DPH6: variants seen among roughly 807,000 people sequenced by gnomAD.
DPH6 encodes the protein diphthamine biosynthesis 6.
Under a neutral mutation model 38.2 loss-of-function variants are expected in DPH6, and 33 were observed. The observed-to-expected ratio is 0.86, with a 90% confidence interval of 0.65 to 1.15. The LOEUF (loss-of-function observed/expected upper bound fraction) is 1.15. DPH6 is among the 50% of genes most tolerant of loss of function. The probability of loss-of-function intolerance (pLI) is 0.00; values close to 1 mark genes in which losing one functional copy is unlikely to be tolerated. For missense variants in DPH6, 325 were observed against 320.0 expected (o/e 1.02, Z -0.12); for synonymous variants, 108 against 103.0 (o/e 1.05, Z -0.30).
At chr15:35,412,601 C>CT (rs2053381187) in intron 5 of DPH6, among the ~76,000 whole-genome samples, 1 of 151,464 alleles carries the variant, frequency 6.6e-6, no homozygotes, top group African/African-American at 2.4e-5. Context: ...AGGTGAACGA[C>CT]TAAGTAAATT....
rs560700366 is a variant in DPH6, at chr15:35,233,182, A to C, written n.201-12600T>G. On this transcript the variant is annotated intron_variant and non_coding_transcript_variant, in intron 3 of 3. Coordinates refer to the DPH6 transcript ENST00000560386. ...AAATTAGAAAGGTGTGGTGGCGGGC[A>C]CCTGTAATCCCAGCTACTCGGGAAT... 2.6e-5 allele frequency among the ~76,000 whole-genome samples: 4 copies of C among 152,142 alleles called. No homozygotes were observed. In the South Asian group the frequency reaches 8.3e-4, roughly 32 times the overall value.
At chr15:35,221,675 G>A (rs1201036377) in intron 3 of DPH6, among the ~76,000 whole-genome samples, 1 of 152,138 alleles carries the variant, frequency 6.6e-6, no homozygotes, top group Non-Finnish European at 1.5e-5. Flanking sequence ...AATAGCACTT[G>A]GCTTCCTTCT....
intron 2 of DPH6, among the ~76,000 whole-genome samples, chr15:35,541,394 G>C (rs1317080153): frequency 6.6e-6 from 1 of 152,034 alleles, no homozygotes; most frequent in Non-Finnish European, 1.5e-5. Context: ...CAAGTGATGA[G>C]GAGCAATAAA....
chr15:35,386,072 C>T (rs2052950812), intron 6 of DPH6, among the ~76,000 whole-genome samples: 1 of 152,098 alleles, frequency 6.6e-6, no homozygotes, highest in African/African-American at 2.4e-5. Flanking sequence ...GTTCAATTCC[C>T]ACCTATGGGG....
chr15:35,543,789 C>T (rs2055301267), intron 1 of DPH6, among the ~76,000 whole-genome samples: 1 of 152,172 alleles, frequency 6.6e-6, no homozygotes. Context: ...GGTTCGGTAT[C>T]CCCATAAGTA....
chr15:35,314,000 T>G (rs2052166388), intron 3 of DPH6, among the ~76,000 whole-genome samples: 1 of 150,256 alleles, frequency 6.7e-6, no homozygotes, highest in South Asian at 2.1e-4. Flanking sequence ...ATCAATAGAG[T>G]GAAGAGACAT....
At chr15:35,368,905 T>A (rs756930087), downstream of DPH6, among the ~76,000 whole-genome samples, 14 of 151,678 alleles carry the variant, frequency 9.2e-5, no homozygotes. Flanking sequence ...AGAGAGTGAC[T>A]TTAGAATCAT....
chr15:35,202,230 C>T, the DPH6 span, among the ~76,000 whole-genome samples: 1 of 151,696 alleles, frequency 6.6e-6, no homozygotes, highest in Non-Finnish European at 1.5e-5. Flanking sequence ...GTTTCCTAGG[C>T]ACGTTTGAAA....
intron 6 of DPH6, among the ~76,000 whole-genome samples, chr15:35,403,285 G>T (rs1373916151): frequency 1.3e-5 from 2 of 151,758 alleles, no homozygotes. Context: ...TTATTTTTCT[G>T]CTGTTTTGTT....
At chr15:35,303,596 C>T (rs532551765) in intron 3 of DPH6, among the ~76,000 whole-genome samples, 4 of 151,132 alleles carry the variant, frequency 2.6e-5, no homozygotes, top group East Asian at 1.9e-4. Flanking sequence ...TATACTGTGA[C>T]GTTACAGCTT....
At chr15:35,429,178 G>C (rs919792253) in intron 5 of DPH6, among the ~76,000 whole-genome samples, 1 of 152,052 alleles carries the variant, frequency 6.6e-6, no homozygotes, top group Non-Finnish European at 1.5e-5. Flanking sequence ...GAACCCCTTA[G>C]ATCTCCTTAG....
chr15:35,393,917 G>T (rs996951023), intron 6 of DPH6, among the ~76,000 whole-genome samples: 1 of 152,034 alleles, frequency 6.6e-6, no homozygotes, highest in Non-Finnish European at 1.5e-5. Context: ...CTGATATAGA[G>T]AACTTAGTAT....
At chr15:35,422,755 A>G (rs758249947) in intron 5 of DPH6, among the ~76,000 whole-genome samples, 25 of 151,820 alleles carry the variant, frequency 1.6e-4, no homozygotes, top group Non-Finnish European at 3.5e-4. Flanking sequence ...CTACCATTCT[A>G]TTCTTTATTT....
At chr15:35,479,208 C>T (rs1688812100) in intron 3 of DPH6, among the ~76,000 whole-genome samples, 1 of 151,942 alleles carries the variant, frequency 6.6e-6, no homozygotes, top group African/African-American at 2.4e-5. Flanking sequence ...CCTGTGTGAC[C>T]AGAGGAAAAC....
chr15:35,348,835 A>C (rs1445295587), intron 3 of DPH6, among the ~76,000 whole-genome samples: 1 of 152,104 alleles, frequency 6.6e-6, no homozygotes, highest in Admixed American at 6.5e-5. Flanking sequence ...GCAATGTTTT[A>C]GAATTCTCAG....
At chr15:35,467,497 C>T (rs565911289) in intron 3 of DPH6, among the ~76,000 whole-genome samples, 2 of 152,090 alleles carry the variant, frequency 1.3e-5, no homozygotes, top group African/African-American at 2.4e-5. Flanking sequence ...ACCTGGGAGG[C>T]GGAGGTTGCA....
intron 3 of DPH6, among the ~76,000 whole-genome samples, chr15:35,300,577 G>T (rs766751793): frequency 5.9e-5 from 9 of 152,174 alleles, no homozygotes; most frequent in Admixed American, 1.3e-4. Flanking sequence ...TTGAGCAACT[G>T]GGTGAGTATT....
At chr15:35,401,099 T>C in intron 6 of DPH6, 1 of 905,930 alleles carries the variant, frequency 1.1e-6, no homozygotes. Context: ...GGCTTTGCCT[T>C]TGTAACCTTT....
At chr15:35,397,873 A>ACACG (rs1427689131) in intron 6 of DPH6, among the ~76,000 whole-genome samples, 4 of 148,078 alleles carry the variant, frequency 2.7e-5, no homozygotes, top group Non-Finnish European at 3.0e-5. Context: ...ATATATACAC[A>ACACG]CACACACACA....
Sources: allele counts gnomAD v4.1 joint callset (sites outside exome capture counted in the v4.1 genomes callset), GRCh38; gene constraint gnomAD v4.1.1; transcripts MANE v1.5; gene names NCBI Gene and HGNC (gene_info 2026-07-23, HGNC 2026-07-21).